DNAL1: variants seen among roughly 807,000 people sequenced by gnomAD.
The protein encoded by DNAL1 is chromosome 14 open reading frame 168.
DNAL1 carries 17 observed loss-of-function variants against 29.4 expected under a neutral mutation model. The observed-to-expected ratio is 0.58, with a 90% CI of 0.40 to 0.87. The LOEUF is 0.87. Ranked by LOEUF, DNAL1 falls within the 40% of genes least tolerant of loss-of-function variation. The pLI, the probability that DNAL1 is intolerant of heterozygous loss-of-function variation, is 0.00. For synonymous variants in DNAL1, 78 were observed against 76.3 expected, an observed-to-expected ratio of 1.02 and a Z score of -0.12; for missense variants, 188 against 214.1, an observed-to-expected ratio of 0.88 and a Z score of 0.76.
chr14:73,653,479 A>G (rs1234221162), intron 1 of DNAL1, among the ~76,000 whole-genome samples: 2 of 151,974 alleles, frequency 1.3e-5, no homozygotes, highest in Admixed American at 1.3e-4. Context: ...AGCCTCCCAA[A>G]TAGCTAGGAC....
At chr14:73,685,428 T>C (rs1891997021) in intron 5 of DNAL1, among the ~76,000 whole-genome samples, 1 of 152,158 alleles carries the variant, frequency 6.6e-6, no homozygotes, top group South Asian at 2.1e-4. Flanking sequence ...TCATCCATGT[T>C]GTAGCGTGTG....
intron 4 of DNAL1, among the ~76,000 whole-genome samples, chr14:73,669,051 T>C (rs1344166140): frequency 6.6e-6 from 1 of 152,220 alleles, no homozygotes; most frequent in Non-Finnish European, 1.5e-5. Flanking sequence ...ATACCGATCA[T>C]GTTGGATTAG....
intron 1 of DNAL1, among the ~76,000 whole-genome samples, chr14:73,649,469 A>T (rs1003357255): frequency 2.0e-5 from 3 of 146,888 alleles, no homozygotes; most frequent in Non-Finnish European, 3.0e-5. Flanking sequence ...TTTTTAGTAG[A>T]GATGGGGTTT....
At chr14:73,665,391 G>A (rs187403471) in intron 4 of DNAL1, among the ~76,000 whole-genome samples, 106 of 152,190 alleles carry the variant, frequency 7.0e-4, no homozygotes, top group Non-Finnish European at 1.0e-3. Flanking sequence ...CTCTGTAATT[G>A]AAGTAACTTG....
chr14:73,669,540 G>T (rs140519787), intron 4 of DNAL1, among the ~76,000 whole-genome samples: 2,621 of 152,252 alleles, frequency 0.017, 83 homozygotes, highest in African/African-American at 0.06. Context: ...CTCCCAAAGT[G>T]CTGGGATTAC....
intron 4 of DNAL1, among the ~76,000 whole-genome samples, chr14:73,670,732 T>C (rs1372171104): frequency 1.3e-5 from 2 of 151,462 alleles, no homozygotes; most frequent in African/African-American, 4.8e-5. Context: ...ATTTTTTATT[T>C]ATTTTTATTA....
chr14:73,689,160 A>C (rs2140060261), intron 6 of DNAL1, among the ~76,000 whole-genome samples: 1 of 149,896 alleles, frequency 6.7e-6, no homozygotes, highest in African/African-American at 2.5e-5. Context: ...CAGCCTCCTG[A>C]GTAGCTGGGA....
chr14:73,693,114 G>A (rs1265728273), intron 7 of DNAL1, among the ~76,000 whole-genome samples: 1 of 152,134 alleles, frequency 6.6e-6, no homozygotes, highest in Non-Finnish European at 1.5e-5. Context: ...AATTACAGGT[G>A]TGAGCCACCG....
At chr14:73,690,650 C>T (rs1404669019) in intron 7 of DNAL1, among the ~76,000 whole-genome samples, 2 of 145,970 alleles carry the variant, frequency 1.4e-5, no homozygotes, top group Non-Finnish European at 3.0e-5. Context: ...GAAACTCCGT[C>T]TCAAAAAAAA....
At chr14:73,671,190 G>A (rs1790363052) in intron 4 of DNAL1, among the ~76,000 whole-genome samples, 1 of 152,006 alleles carries the variant, frequency 6.6e-6, no homozygotes, top group African/African-American at 2.4e-5. Flanking sequence ...TCTAGTATGA[G>A]TTCTTGTAAG....
chr14:73,645,635 G>T (rs1358110509), intron 1 of DNAL1, among the ~76,000 whole-genome samples: 2 of 152,246 alleles, frequency 1.3e-5, no homozygotes, highest in Non-Finnish European at 1.5e-5. Context: ...TAATATGATT[G>T]GGGGTTTCAG....
At chr14:73,676,797 T>A (rs527244020) in intron 5 of DNAL1, among the ~76,000 whole-genome samples, 1 of 152,160 alleles carries the variant, frequency 6.6e-6, no homozygotes, top group Non-Finnish European at 1.5e-5. Context: ...TTACATGTGA[T>A]GGGATAGATT....
At chr14:73,683,919 C>G (rs1179838018) in intron 5 of DNAL1, among the ~76,000 whole-genome samples, 1 of 152,048 alleles carries the variant, frequency 6.6e-6, no homozygotes, top group Non-Finnish European at 1.5e-5. Flanking sequence ...GTTGGTCAGG[C>G]TGGTCTCAAA....
At chr14:73,653,877 A>G (rs982084597) in intron 1 of DNAL1, among the ~76,000 whole-genome samples, 7 of 152,234 alleles carry the variant, frequency 4.6e-5, no homozygotes, top group Admixed American at 3.9e-4. Context: ...CTAAGCTGCT[A>G]TTAATTATAA....
intron 7 of DNAL1, among the ~76,000 whole-genome samples, chr14:73,695,530 AG>A (rs2140066977): frequency 6.6e-6 from 1 of 151,952 alleles, no homozygotes; most frequent in South Asian, 2.1e-4. Flanking sequence ...AGAGCTTCTC[AG>A]GTTTTTCTTT....
chr14:73,653,382 T>C (rs1595201143), intron 1 of DNAL1, among the ~76,000 whole-genome samples: 1 of 152,180 alleles, frequency 6.6e-6, no homozygotes, highest in Non-Finnish European at 1.5e-5. Flanking sequence ...GAGACAGGCT[T>C]GCCCTGTTGC....
chr14:73,662,450 T>C (rs1013502330), intron 4 of DNAL1, among the ~76,000 whole-genome samples: 1 of 152,224 alleles, frequency 6.6e-6, no homozygotes, highest in Non-Finnish European at 1.5e-5. Context: ...TGACTCTGTA[T>C]TAGTTTCCTA....
chr14:73,697,763 A>G lies in DNAL1; in HGVS notation c.*1821A>G, dbSNP rs1455410737. The G allele has an allele frequency of 6.6e-6, 1 of 151,548 alleles. No individual in the cohort carries two copies. The highest frequency in any genetic ancestry group is 1.5e-5 in the Non-Finnish European group (1 of 67,926). The allele number at this position is 151,548 out of a possible 1,614,324, so 9.4% of individuals were successfully genotyped here. On this transcript the variant is annotated 3_prime_UTR_variant, in exon 8 of 8. Coordinates refer to ENST00000553645, the MANE Select transcript of DNAL1 (RefSeq NM_031427.4). ...ATATTTAAAAAAAAAAAAAAAAAAA[A>G]AAGAGGAAAACTTGGTCTAACACCC...
chr14:73,697,354 T>G lies in DNAL1; in HGVS notation c.*1412T>G, dbSNP rs923662510. The stretch of plus-strand genomic sequence containing the variant: ...AGTGATTGCATAAGTAGTCCTGGGT[T>G]TCAGAAGATTTCAGCTATCATTTAC... On this transcript the variant is annotated 3_prime_UTR_variant, in exon 8 of 8. Transcript: ENST00000553645. 4 of 152,182 alleles carry G rather than the reference T, an allele frequency of 2.6e-5. No homozygotes were observed. Among genetic ancestry groups the G allele is most frequent in the African/African-American group, 9.7e-5 (4 of 41,434 alleles). The allele number at this position is 152,182 out of a possible 1,614,324, so 9.4% of individuals were successfully genotyped here.
Sources: allele counts gnomAD v4.1 joint callset (sites outside exome capture counted in the v4.1 genomes callset), GRCh38; gene constraint gnomAD v4.1.1; transcripts MANE v1.5; gene names NCBI Gene and HGNC (gene_info 2026-07-23, HGNC 2026-07-21).